Variants in FAM216B observed in about 807,000 individuals in gnomAD.
The protein encoded by FAM216B is protein FAM216B.
In FAM216B, 11 loss-of-function variants were observed where a neutral mutation model predicts 12.9. That is an observed-to-expected ratio of 0.86 (90% CI 0.54 to 1.42). The LOEUF (loss-of-function observed/expected upper bound fraction) is 1.42. Among genes scored for constraint, FAM216B ranks in the 40% most tolerant of loss-of-function variants. FAM216B has a pLI of 0.00. For missense variants in FAM216B, 167 were observed against 162.9 expected (o/e 1.02, Z -0.14); for synonymous variants, 52 against 57.2 (o/e 0.91, Z 0.41).
intron 2 of FAM216B, 89 bp downstream of exon 2, chr13:42,784,255 G>A (rs1838811337): frequency 3.5e-6 from 3 of 860,496 alleles, no homozygotes; most frequent in Non-Finnish European, 1.7e-6. Context: ...TGCTGTCTTT[G>A]TTTACCTAGC....
chr13:42,787,978 G>A (rs1292420857), intron 3 of FAM216B, among the ~76,000 whole-genome samples: 1 of 152,086 alleles, frequency 6.6e-6, no homozygotes, highest in African/African-American at 2.4e-5. Flanking sequence ...CAGAGAAGCC[G>A]AGATTCAGTC....
chr13:42,783,415 G>T (rs1363191391), intron 1 of FAM216B, among the ~76,000 whole-genome samples: 4 of 151,968 alleles, frequency 2.6e-5, no homozygotes, highest in African/African-American at 9.7e-5. Flanking sequence ...AAATGCTTGG[G>T]ACCAGAAGTG....
chr13:42,787,499 AT>A (rs779679126), intron 3 of FAM216B, among the ~76,000 whole-genome samples: 20 of 152,184 alleles, frequency 1.3e-4, no homozygotes, highest in Non-Finnish European at 2.8e-4. Context: ...ACCTCTTTAG[AT>A]TTTACAAAGC....
Position 42,786,838 on chromosome 13 carries a change from C to T in FAM216B, c.175C>T (p.Leu59=), listed in dbSNP as rs1874111275. The T allele has an allele frequency of 3.7e-6, 6 of 1,614,060 alleles. No homozygotes were observed. Among genetic ancestry groups the T allele is most frequent in the Non-Finnish European group, 5.1e-6 (6 of 1,179,950 alleles). Residue 59 remains leucine (L), a synonymous_variant, in exon 3 of 4, where the codon CTG becomes TTG. Transcript: ENST00000313851. ...IYNSRPQWEA[L]QTRYIHSLQH... ...CAACTCCAGGCCCCAGTGGGAGGCC[C>T]TGCAGACCCGCTACATTCACAGCCT...
chr13:42,785,298 A>AAAAAC (rs1247829079), intron 2 of FAM216B, among the ~76,000 whole-genome samples: 1 of 152,226 alleles, frequency 6.6e-6, no homozygotes, highest in Non-Finnish European at 1.5e-5. Context: ...CAAAAAAACC[A>AAAAAC]AAAACAAAAC....
At chr13:42,782,241 G>A (rs1873883601) in intron 1 of FAM216B, among the ~76,000 whole-genome samples, 1 of 152,178 alleles carries the variant, frequency 6.6e-6, no homozygotes, top group African/African-American at 2.4e-5. Flanking sequence ...GTATGTTTAT[G>A]AACCTATGAG....
rs1486937467 is a variant in FAM216B at position 42,788,580 on chromosome 13, C to G, written c.221-11C>G. ...GTTGATTTTGAAGTTTCTCTCATTT[C>G]TTTCCCCTAGGCTATATTACTCAAC... On this transcript the variant is annotated splice_polypyrimidine_tract_variant and intron_variant, in intron 3 of 3. Transcript: ENST00000313851. The G allele has an allele frequency of 6.5e-7, 1 of 1,550,374 alleles. No homozygotes were observed. Among genetic ancestry groups the G allele is most frequent in the East Asian group, 2.3e-5 (1 of 44,172 alleles).
At chr13:42,783,090 C>G (rs1440042588) in intron 1 of FAM216B, among the ~76,000 whole-genome samples, 1 of 152,066 alleles carries the variant, frequency 6.6e-6, no homozygotes, top group African/African-American at 2.4e-5. Flanking sequence ...TGCAGGATAA[C>G]TTGAGCCCAG....
chr13:42,784,283 C>T, intron 2 of FAM216B, 117 bp downstream of exon 2: 2 of 702,786 alleles, frequency 2.8e-6, no homozygotes, highest in Non-Finnish European at 4.5e-6. Context: ...AGAATATTGG[C>T]CGCATAATAA....
In FAM216B at chr13:42,791,442, G is replaced by A. The variant is rs992697781; in HGVS notation, c.*2652G>A. The A allele has an allele frequency of 6.6e-6, 1 of 152,100 alleles. No homozygotes were observed. The highest frequency in any genetic ancestry group is 1.5e-5 in the Non-Finnish European group (1 of 68,004). 9.4% of individuals were successfully genotyped at this position (152,100 alleles called of 1,614,324 possible). A position where few individuals can be genotyped will look rare whatever the true frequency, so the allele number is the denominator to read the frequency against. On this transcript the variant is annotated 3_prime_UTR_variant, in exon 4 of 4. Coordinates refer to ENST00000313851, the MANE Select transcript of FAM216B (RefSeq NM_001318932.2). ...GATTATACCATGATTGTAAAGACAA[G>A]AAACAGAACCTGAAATACTTCAATT...
At position 42,788,753 on chromosome 13, in the gene FAM216B, G is replaced by A. The variant is rs1250591475; in HGVS notation, c.383G>A (p.Arg128Lys). 2 of 1,613,304 alleles carry A rather than the reference G, an allele frequency of 1.2e-6. No individual in the cohort carries two copies. The highest frequency in any genetic ancestry group is 1.7e-5 in the Admixed American group (1 of 59,926). The change falls in exon 4 of 4, where the codon AGG (arginine) becomes AAG (lysine). Residue 128 changes from arginine to lysine, a missense_variant. Coordinates refer to ENST00000313851, the MANE Select transcript of FAM216B (RefSeq NM_001318932.2). ...SVLPVSVVLP[R>K]AQSKRRQVLR... Reference sequence around the variant, plus strand: ...CTACCTGTATCTGTGGTTCTACCTAGGGCCCAAAGTAAAAGGCGCCAAGTG... The same window carrying A: ...CTACCTGTATCTGTGGTTCTACCTAAGGCCCAAAGTAAAAGGCGCCAAGTG...
intron 2 of FAM216B, among the ~76,000 whole-genome samples, chr13:42,785,468 G>A (rs1311068174): frequency 1.3e-5 from 2 of 152,076 alleles, no homozygotes; most frequent in African/African-American, 4.8e-5. Context: ...TTTGGCCTAG[G>A]GTGAACTTAC....
At chr13:42,788,505 C>T (rs1285200079) in intron 3 of FAM216B, 86 bp from the exon 4 acceptor site, 2 of 1,102,592 alleles carry the variant, frequency 1.8e-6, no homozygotes, top group South Asian at 1.8e-5. Context: ...AAATTTTGTA[C>T]ACATAAGTAA....
intron 3 of FAM216B, among the ~76,000 whole-genome samples, chr13:42,788,277 T>C (rs1874166872): frequency 6.6e-6 from 1 of 152,166 alleles, no homozygotes; most frequent in Non-Finnish European, 1.5e-5. Flanking sequence ...AGACTACACG[T>C]TGAGAAACAC....
At chr13:42,787,412 G>T (rs1432601705) in intron 3 of FAM216B, among the ~76,000 whole-genome samples, 1 of 152,144 alleles carries the variant, frequency 6.6e-6, no homozygotes, top group African/African-American at 2.4e-5. Context: ...TGTCTGTTAG[G>T]ACTTCAAGCC....
rs1874288313 is a variant in FAM216B at position 42,790,808 on chromosome 13, T to C, written c.*2018T>C. ...AACTTAAGTCCTGGAGATCAGAGACTGTTTCACCTGAAATTGCTAGCACCT... is the reference window on the plus strand; with the variant it reads ...AACTTAAGTCCTGGAGATCAGAGACCGTTTCACCTGAAATTGCTAGCACCT... On this transcript the variant is annotated 3_prime_UTR_variant, in exon 4 of 4. Coordinates refer to ENST00000313851, the MANE Select transcript of FAM216B (RefSeq NM_001318932.2). The C allele has an allele frequency of 1.3e-5, 2 of 152,222 alleles. No individual in the cohort carries two copies. Among genetic ancestry groups the C allele is most frequent in the African/African-American group, 4.8e-5 (2 of 41,444 alleles). 9.4% of individuals were successfully genotyped at this position (152,222 alleles called of 1,614,324 possible).
At position 42,789,126 on chromosome 13, in the gene FAM216B, C is replaced by A. The variant is rs982224573; in HGVS notation, c.*336C>A. On this transcript the variant is annotated 3_prime_UTR_variant, in exon 4 of 4. Coordinates refer to ENST00000313851, the MANE Select transcript of FAM216B (RefSeq NM_001318932.2). ...CCAGAAAGGGCCAGGTCCTCTGTCA[C>A]TGGGTGACCATTTCTAGCAAACTAT... 7.4e-5 allele frequency: 14 copies of A among 189,738 alleles called. No homozygotes were observed. Among genetic ancestry groups the A allele is most frequent in the African/African-American group, 3.3e-4 (14 of 42,894 alleles). The allele number at this position is 189,738 out of a possible 1,614,324, so 11.8% of individuals were successfully genotyped here.
chr13:42,784,661 CAAAAAAAAAAA>C (rs61276354), intron 2 of FAM216B, among the ~76,000 whole-genome samples: 1 of 94,752 alleles, frequency 1.1e-5, no homozygotes, highest in East Asian at 3.1e-4. Flanking sequence ...ACTAAAAATA[CAAAAAAAAAAA>C]AAAAAAAAAA....
chr13:42,784,172 G>GGT lies in FAM216B; in HGVS notation c.99+6_99+7insGT. On this transcript the variant is annotated splice_region_variant and intron_variant, in intron 2 of 3. Coordinates refer to ENST00000313851, the MANE Select transcript of FAM216B (RefSeq NM_001318932.2). ...ATGACACTTCCTTACTAAAGGTATG[G>GGT]CTTTTTTTTTTTTTTTTTTTTCACA... The GGT allele has an allele frequency of 2.8e-5, 23 of 808,954 alleles. No individual in the cohort carries two copies. The highest frequency in any genetic ancestry group is 4.5e-5 in the African/African-American group (1 of 22,314). The allele number at this position is 808,954 out of a possible 1,614,324, so 50.1% of individuals were successfully genotyped here.
Sources: allele counts gnomAD v4.1 joint callset (sites outside exome capture counted in the v4.1 genomes callset), GRCh38; gene constraint gnomAD v4.1.1; transcripts MANE v1.5; gene names NCBI Gene and HGNC (gene_info 2026-07-23, HGNC 2026-07-21).